The following SNAP25 variants were observed in gnomAD, a reference collection of about 807,000 sequenced individuals.
SNAP25 encodes synaptosome associated protein 25.
In SNAP25, 3 loss-of-function variants were observed where a neutral mutation model predicts 28.7. The ratio of observed to expected loss-of-function variants is 0.10; its 90% CI spans 0.05 to 0.27. SNAP25 has a LOEUF of 0.27. Ranked by LOEUF, SNAP25 falls within the 10% of genes least tolerant of loss-of-function variation. The pLI, the probability that SNAP25 is intolerant of heterozygous loss-of-function variation, is 1.00. For synonymous variants in SNAP25, 61 were observed against 88.1 expected, an observed-to-expected ratio of 0.69 and a Z score of 1.72; for missense variants, 117 against 278.7, an observed-to-expected ratio of 0.42 and a Z score of 4.13.
At chr20:10,239,224 T>C (rs1404027059) in intron 1 of SNAP25, among the ~76,000 whole-genome samples, 1 of 152,206 alleles carries the variant, frequency 6.6e-6, no homozygotes, top group Non-Finnish European at 1.5e-5. Context: ...CATCTTAGAT[T>C]CCAACTCCAG....
intron 1 of SNAP25, among the ~76,000 whole-genome samples, chr20:10,264,820 G>A (rs900965969): frequency 4.6e-5 from 7 of 151,904 alleles, no homozygotes; most frequent in Admixed American, 3.9e-4. Context: ...ATGCTAGCCC[G>A]ACCTCCACAG....
rs975260257 is a variant in SNAP25 at position 10,267,179 on chromosome 20, A to G, written c.-63-8250A>G. Among the ~76,000 whole-genome samples, 8 of 152,304 alleles carry G rather than the reference A, an allele frequency of 5.3e-5. No individual in the cohort carries two copies. In the East Asian group the frequency reaches 5.8e-4, roughly 11 times the overall value. On this transcript the variant is annotated intron_variant, in intron 1 of 7. Transcript: ENST00000254976. ...GAAATTAAAGCTGAAATTTAAAACT[A>G]TATAGAAATAAATAACAAAGAACAT... is the stretch of plus-strand genomic sequence containing the variant.
intron 5 of SNAP25, among the ~76,000 whole-genome samples, chr20:10,294,926 C>T (rs6039813): frequency 1.1e-4 from 16 of 152,274 alleles, no homozygotes; most frequent in African/African-American, 3.9e-4. Context: ...TACATTTTCC[C>T]CCCTTCATCA....
chr20:10,291,746 C>T (rs1373295478), intron 4 of SNAP25, among the ~76,000 whole-genome samples: 2 of 152,158 alleles, frequency 1.3e-5, no homozygotes, highest in Non-Finnish European at 2.9e-5. Context: ...CAGTTGTATT[C>T]TAGGCATGCC....
intron 7 of SNAP25, among the ~76,000 whole-genome samples, chr20:10,305,468 G>C (rs980153572): frequency 1.3e-5 from 2 of 152,164 alleles, no homozygotes; most frequent in Non-Finnish European, 2.9e-5. Context: ...GTTGAGCCCA[G>C]GCAGTCAAGG....
chr20:10,254,770 G>T (rs1343406326), intron 1 of SNAP25, among the ~76,000 whole-genome samples: 7 of 152,098 alleles, frequency 4.6e-5, no homozygotes, highest in Non-Finnish European at 8.8e-5. Context: ...GTTCCCCCAG[G>T]GCAAAGTGCT....
At position 10,279,446 on chromosome 20, in the gene SNAP25, C is replaced by G. The variant is rs369312240; in HGVS notation, c.114+1720C>G. ...ATATAAGTTTCCAAAATATCAGAACCGTCACTAATTTGCCTGCCTGTGCAA... is the reference window on the plus strand; with the variant it reads ...ATATAAGTTTCCAAAATATCAGAACGGTCACTAATTTGCCTGCCTGTGCAA... On this transcript the variant is annotated intron_variant, in intron 3 of 7. Coordinates refer to ENST00000254976, the MANE Select transcript of SNAP25 (RefSeq NM_130811.4). Among the ~76,000 whole-genome samples the G allele has an allele frequency of 2.6e-5, 4 of 152,074 alleles. No individual in the cohort carries two copies. In the East Asian group the frequency reaches 5.8e-4, roughly 22 times the overall value.
intron 3 of SNAP25, among the ~76,000 whole-genome samples, chr20:10,278,259 T>C (rs908512021): frequency 2.6e-5 from 4 of 152,156 alleles, no homozygotes; most frequent in African/African-American, 9.7e-5. Flanking sequence ...AAGGGAAATA[T>C]CAAGTCCAAT....
At chr20:10,228,560 CAG>C (rs2062772385) in intron 1 of SNAP25, among the ~76,000 whole-genome samples, 2 of 152,164 alleles carry the variant, frequency 1.3e-5, no homozygotes, top group Non-Finnish European at 2.9e-5. Context: ...GGTGGAGAGT[CAG>C]CTGGCTGCAT....
chr20:10,253,216 C>G (rs1373658011), intron 1 of SNAP25, among the ~76,000 whole-genome samples: 1 of 152,172 alleles, frequency 6.6e-6, no homozygotes, highest in Admixed American at 6.5e-5. Context: ...CTACAAACCG[C>G]AAGGAGTAGA....
chr20:10,228,795 A>G (rs1438500882), intron 1 of SNAP25, among the ~76,000 whole-genome samples: 4 of 152,286 alleles, frequency 2.6e-5, no homozygotes, highest in Non-Finnish European at 5.9e-5. Context: ...GCTATTTGCC[A>G]TACCAGATTT....
intron 7 of SNAP25, among the ~76,000 whole-genome samples, chr20:10,302,856 TG>T (rs1428872277): frequency 6.6e-6 from 1 of 151,892 alleles, no homozygotes; most frequent in Non-Finnish European, 1.5e-5. Flanking sequence ...AAATATTGCA[TG>T]GGGTGGAATT....
intron 3 of SNAP25, among the ~76,000 whole-genome samples, chr20:10,283,332 A>T (rs1169000411): frequency 1.3e-5 from 2 of 152,210 alleles, no homozygotes; most frequent in Admixed American, 6.5e-5. Context: ...CAGTCAGGAC[A>T]CTTGCCTGAG....
At chr20:10,221,874 C>G (rs1255918034) in intron 1 of SNAP25, among the ~76,000 whole-genome samples, 1 of 151,862 alleles carries the variant, frequency 6.6e-6, no homozygotes, top group East Asian at 1.9e-4. Flanking sequence ...TTAGTAGAAA[C>G]GAGAAAAATA....
chr20:10,249,322 C>T (rs1808721313), intron 1 of SNAP25, among the ~76,000 whole-genome samples: 1 of 152,110 alleles, frequency 6.6e-6, no homozygotes, highest in African/African-American at 2.4e-5. Context: ...CTGCCCCCAG[C>T]AGCTTCCACA....
chr20:10,302,542 A>C (rs950926179), intron 7 of SNAP25, among the ~76,000 whole-genome samples: 6 of 152,322 alleles, frequency 3.9e-5, no homozygotes, highest in African/African-American at 1.4e-4. Context: ...GAGCGTTCAG[A>C]AGATGGGCTG....
intron 7 of SNAP25, among the ~76,000 whole-genome samples, chr20:10,304,394 A>C (rs1197889866): frequency 6.6e-6 from 1 of 152,196 alleles, no homozygotes; most frequent in East Asian, 1.9e-4. Flanking sequence ...GACTCCCCCA[A>C]AATTTAACTA....
At chr20:10,297,216 T>C (rs974394541) in intron 6 of SNAP25, among the ~76,000 whole-genome samples, 166 bp downstream of exon 6, 4 of 152,202 alleles carry the variant, frequency 2.6e-5, no homozygotes, top group Non-Finnish European at 5.9e-5. Flanking sequence ...GGTGGGGTGA[T>C]CCAAGATGGC....
At chr20:10,287,928 A>G (rs1315764305) in intron 4 of SNAP25, among the ~76,000 whole-genome samples, 7 of 151,992 alleles carry the variant, frequency 4.6e-5, no homozygotes, top group Admixed American at 4.6e-4. Context: ...CAAACACCGC[A>G]TATTCTCACT....
Sources: allele counts gnomAD v4.1 joint callset (sites outside exome capture counted in the v4.1 genomes callset), GRCh38; gene constraint gnomAD v4.1.1; transcripts MANE v1.5; gene names NCBI Gene and HGNC (gene_info 2026-07-23, HGNC 2026-07-21).